TMEM233: variants seen among roughly 807,000 people sequenced by gnomAD.
TMEM233 encodes the protein transmembrane protein 233, also known as dispanin subfamily B member 2.
In TMEM233, 6 loss-of-function variants were observed where a neutral mutation model predicts 11.2. The observed-to-expected ratio is 0.54, with a 90% CI of 0.29 to 1.06. TMEM233 has a LOEUF of 1.06. Among genes scored for constraint, TMEM233 ranks in the 50% least tolerant of loss-of-function variants. The probability of loss-of-function intolerance (pLI) is 0.08; values close to 1 mark genes in which losing one functional copy is unlikely to be tolerated. For missense variants in TMEM233, 127 were observed against 144.7 expected (o/e 0.88, Z 0.63); for synonymous variants, 59 against 55.8 (o/e 1.06, Z -0.26).
At chr12:119,606,090 G>A (rs1954274394) in intron 1 of TMEM233, among the ~76,000 whole-genome samples, 1 of 152,140 alleles carries the variant, frequency 6.6e-6, no homozygotes, top group Admixed American at 6.5e-5. Context: ...TCCCAAAGTC[G>A]TCTAAAAATT....
At chr12:119,651,512 G>C in the TMEM233 span, among the ~76,000 whole-genome samples, 1 of 152,070 alleles carries the variant, frequency 6.6e-6, no homozygotes, top group African/African-American at 2.4e-5. Context: ...GTCCAGTCAG[G>C]ACCTGCCTTA....
chr12:119,636,964 G>T (rs1954978256), intron 2 of TMEM233, among the ~76,000 whole-genome samples: 1 of 152,174 alleles, frequency 6.6e-6, no homozygotes, highest in Non-Finnish European at 1.5e-5. Context: ...ACAGGTGACT[G>T]TTCCTTGGGT....
At chr12:119,631,373 G>A in intron 2 of TMEM233, 1 of 361,358 alleles carries the variant, frequency 2.8e-6, no homozygotes, top group Non-Finnish European at 3.9e-6. Context: ...AGATGTCATG[G>A]TAGATCCACT....
Position 119,629,908 on chromosome 12 carries a change from C to T in TMEM233, c.323+36C>T, listed in dbSNP as rs140338875. On this transcript the variant is annotated intron_variant, in intron 2 of 2. Transcript: ENST00000426426. The stretch of plus-strand genomic sequence containing the variant: ...TTTTTGAATCCCTCCCCATGTCAAA[C>T]GCCCTTTCTCGAACGCCCGTTGGAA... 1.0e-4 allele frequency: 158 copies of T among 1,537,754 alleles called. 1 individual carries two copies. In the East Asian group the frequency reaches 3.6e-3, roughly 35 times the overall value.
intron 1 of TMEM233, among the ~76,000 whole-genome samples, chr12:119,622,153 C>G (rs953179015): frequency 6.6e-6 from 1 of 152,170 alleles, no homozygotes; most frequent in African/African-American, 2.4e-5. Context: ...GTTTCTCTCT[C>G]CTGACTATGA....
intron 2 of TMEM233, among the ~76,000 whole-genome samples, chr12:119,639,079 C>A (rs554736317): frequency 1.3e-5 from 2 of 152,012 alleles, no homozygotes; most frequent in African/African-American, 4.8e-5. Context: ...CTGCACTTGC[C>A]GTTCCCTCTG....
intron 1 of TMEM233, among the ~76,000 whole-genome samples, chr12:119,621,696 A>ATC (rs1954647984): frequency 6.6e-6 from 1 of 152,196 alleles, no homozygotes; most frequent in South Asian, 2.1e-4. Flanking sequence ...ATCCTTGAAA[A>ATC]ACATTTAACA....
downstream of TMEM233, among the ~76,000 whole-genome samples, chr12:119,643,360 C>G (rs1486477667): frequency 2.0e-5 from 3 of 152,206 alleles, no homozygotes; most frequent in Admixed American, 2.0e-4. Context: ...TTGGGCGTCC[C>G]CCAGGTCCTA....
At chr12:119,644,335 TA>T (rs1955123855), downstream of TMEM233, among the ~76,000 whole-genome samples, 1 of 151,996 alleles carries the variant, frequency 6.6e-6, no homozygotes. Flanking sequence ...AAAGTACTCT[TA>T]CCAGAAGAAG....
At chr12:119,650,628 T>TTGTTG in the TMEM233 span, among the ~76,000 whole-genome samples, 1 of 151,338 alleles carries the variant, frequency 6.6e-6, no homozygotes, top group African/African-American at 2.4e-5. Flanking sequence ...CTTATTTGAT[T>TTGTTG]TTGTTGTTGT....
At chr12:119,612,613 G>A (rs945039498) in intron 1 of TMEM233, among the ~76,000 whole-genome samples, 9 of 152,088 alleles carry the variant, frequency 5.9e-5, no homozygotes, top group African/African-American at 1.9e-4. Flanking sequence ...TTAGCCGGGC[G>A]TGGTGGCGGG....
At position 119,594,964 on chromosome 12, in the gene TMEM233, G is replaced by T. The variant is rs1205015779; in HGVS notation, c.186+930G>T. Among the ~76,000 whole-genome samples, 3 of 152,178 alleles carry T rather than the reference G, an allele frequency of 2.0e-5. No individual in the cohort carries two copies. Among genetic ancestry groups the T allele is most frequent in the African/African-American group, 7.2e-5 (3 of 41,454 alleles). ...CTGCGCCCGGGGCTCTCCCGGGAAT[G>T]AACTAGGGGATTCCACGCAACGTGC... On this transcript the variant is annotated intron_variant, in intron 1 of 2. Transcript: ENST00000426426. This position sits in a 1 kb window ranked among gnomAD's most constrained non-coding sequence, Gnocchi z 5.6.
At chr12:119,637,682 G>T (rs1230085614) in intron 2 of TMEM233, among the ~76,000 whole-genome samples, 1 of 152,212 alleles carries the variant, frequency 6.6e-6, no homozygotes, top group East Asian at 1.9e-4. Context: ...TAGAAGGTTA[G>T]AAGGGTCTTT....
chr12:119,599,226 A>C (rs1954108763), intron 1 of TMEM233, among the ~76,000 whole-genome samples: 1 of 152,224 alleles, frequency 6.6e-6, no homozygotes, highest in South Asian at 2.1e-4. Context: ...ATTTGGTAGC[A>C]CAATAGGGTG....
chr12:119,652,139 G>A, the TMEM233 span, among the ~76,000 whole-genome samples: 3 of 152,198 alleles, frequency 2.0e-5, no homozygotes, highest in African/African-American at 4.8e-5. Flanking sequence ...TAGCAAAAGT[G>A]TAAAGGTATG....
In TMEM233 at chr12:119,593,836, G is replaced by A. The variant is rs550074566; in HGVS notation, c.-13G>A. On this transcript the variant is annotated 5_prime_UTR_variant, in exon 1 of 3. Coordinates refer to ENST00000426426, the MANE Select transcript of TMEM233 (RefSeq NM_001136534.3). The surrounding 1 kb of genome is among the most constrained non-coding windows in gnomAD (Gnocchi z 4.1). ...TGCGCTCCTCCGCCCTCCCGGCGCC[G>A]CCGGCCTCGCCCATGTCTCAGTACG... is the stretch of plus-strand genomic sequence containing the variant. The A allele has an allele frequency of 2.6e-6, 4 of 1,549,124 alleles. No individual in the cohort carries two copies. The highest frequency in any genetic ancestry group is 3.5e-6 in the Non-Finnish European group (4 of 1,145,308).
intron 1 of TMEM233, among the ~76,000 whole-genome samples, chr12:119,609,793 G>A (rs1299970416): frequency 6.6e-6 from 1 of 152,256 alleles, no homozygotes; most frequent in Non-Finnish European, 1.5e-5. Flanking sequence ...ATGCCTGGAT[G>A]TCCAGGCAGA....
At chr12:119,651,733 A>G in the TMEM233 span, among the ~76,000 whole-genome samples, 5 of 149,844 alleles carry the variant, frequency 3.3e-5, no homozygotes, top group African/African-American at 1.2e-4. Context: ...AGGCTGAGGC[A>G]GGAAAATCAC....
rs1953963005 is a variant in TMEM233, at chr12:119,593,780, C to T, written c.-69C>T. 6 of 1,462,636 alleles carry T rather than the reference C, an allele frequency of 4.1e-6. No individual in the cohort carries two copies. In the African/African-American group the frequency reaches 4.3e-5, roughly 10 times the overall value. 90.6% of individuals were successfully genotyped at this position (1,462,636 alleles called of 1,614,324 possible). The stretch of plus-strand genomic sequence containing the variant: ...GGCTTTTCAGAGCCTCGCCACAAGC[C>T]GGCGGCCAGAGCCCCAGACCACACA... On this transcript the variant is annotated 5_prime_UTR_variant, in exon 1 of 3. Coordinates refer to ENST00000426426, the MANE Select transcript of TMEM233 (RefSeq NM_001136534.3). The surrounding 1 kb of genome is among the most constrained non-coding windows in gnomAD (Gnocchi z 4.1).
Sources: allele counts gnomAD v4.1 joint callset (sites outside exome capture counted in the v4.1 genomes callset), GRCh38; gene constraint gnomAD v4.1.1; non-coding constraint Gnocchi (gnomAD v3.1); transcripts MANE v1.5; gene names NCBI Gene and HGNC (gene_info 2026-07-23, HGNC 2026-07-21).